The following GSDMC variants were observed in gnomAD, a reference collection of about 807,000 sequenced individuals.
GSDMC encodes gasdermin C, also known as gasdermin-C.
Under a neutral mutation model 58.0 loss-of-function variants are expected in GSDMC, and 59 were observed. The ratio of observed to expected loss-of-function variants is 1.02; its 90% CI spans 0.82 to 1.26. The LOEUF is 1.26. GSDMC is among the 50% of genes most tolerant of loss of function. The pLI, the probability that GSDMC is intolerant of heterozygous loss-of-function variation, is 0.00. For synonymous variants in GSDMC, 241 were observed against 220.2 expected (o/e 1.09, Z -0.83); for missense variants, 659 against 598.5 (o/e 1.10, Z -1.06).
chr8:129,715,449 G>A, the GSDMC span, among the ~76,000 whole-genome samples: 1 of 152,006 alleles, frequency 6.6e-6, no homozygotes, highest in Non-Finnish European at 1.5e-5. Context: ...AATATTTGGA[G>A]AAATATTTCT....
downstream of GSDMC, among the ~76,000 whole-genome samples, chr8:129,744,173 G>A (rs1249114809): frequency 6.6e-6 from 1 of 152,120 alleles, no homozygotes. Context: ...CTGAACTGTG[G>A]TTCAGAATGT....
intron 2 of GSDMC, 114 bp from the exon 3 acceptor site, chr8:129,776,399 A>G: frequency 1.5e-6 from 1 of 682,620 alleles, no homozygotes; most frequent in South Asian, 2.2e-5. Flanking sequence ...ATTTTGCCCC[A>G]ATCCTCCCAC....
the GSDMC span, chr8:129,730,030 G>T: frequency 1.5e-6 from 2 of 1,291,650 alleles, no homozygotes; most frequent in South Asian, 1.3e-5. Context: ...AAAAGGATGA[G>T]AAGGAAAAGG....
chr8:129,730,409 T>C, the GSDMC span: 6 of 1,175,816 alleles, frequency 5.1e-6, no homozygotes, highest in East Asian at 1.4e-4. Flanking sequence ...ATGCTGATTA[T>C]GAATCTTTAG....
chr8:129,763,592 A>G (rs1286225649), intron 4 of GSDMC, among the ~76,000 whole-genome samples: 2 of 151,972 alleles, frequency 1.3e-5, no homozygotes, highest in Non-Finnish European at 2.9e-5. Context: ...TGTTGTTTTA[A>G]TTGAGACAGT....
At chr8:129,756,442 A>G (rs2130390342) in intron 6 of GSDMC, among the ~76,000 whole-genome samples, 1 of 152,274 alleles carries the variant, frequency 6.6e-6, no homozygotes, top group Admixed American at 6.5e-5. Flanking sequence ...AGAGCTAAAG[A>G]GACAGTAATA....
chr8:129,785,106 G>T (rs954888229), intron 1 of GSDMC, among the ~76,000 whole-genome samples: 5 of 152,138 alleles, frequency 3.3e-5, no homozygotes, highest in African/African-American at 4.8e-5. Context: ...AGCTACTTGG[G>T]AGGCTGAGGC....
the GSDMC span, among the ~76,000 whole-genome samples, chr8:129,725,351 CAT>C: frequency 6.6e-6 from 1 of 152,242 alleles, no homozygotes; most frequent in South Asian, 2.1e-4. Flanking sequence ...AAGACACACT[CAT>C]GCGTTCTTTT....
chr8:129,765,860 G>C (rs1563802644), intron 3 of GSDMC, 67 bp from the exon 4 acceptor site: 2 of 1,390,616 alleles, frequency 1.4e-6, no homozygotes, highest in Non-Finnish European at 2.0e-6. Context: ...GTTACTCTGG[G>C]TGCCCTTCTC....
At chr8:129,733,455 A>T in the GSDMC span, among the ~76,000 whole-genome samples, 9 of 152,304 alleles carry the variant, frequency 5.9e-5, no homozygotes, top group Non-Finnish European at 1.2e-4. Context: ...CTCTGGGATG[A>T]AACTTCCAGA....
At chr8:129,713,549 A>G in the GSDMC span, among the ~76,000 whole-genome samples, 1 of 152,222 alleles carries the variant, frequency 6.6e-6, no homozygotes, top group African/African-American at 2.4e-5. Context: ...AGCCTTGGAA[A>G]TGTGGAGAGC....
At chr8:129,770,530 T>C (rs908292966) in intron 3 of GSDMC, among the ~76,000 whole-genome samples, 6 of 152,026 alleles carry the variant, frequency 3.9e-5, no homozygotes, top group Non-Finnish European at 7.4e-5. Flanking sequence ...CTCAAAAAAA[T>C]TAATCCCCCC....
intron 5 of GSDMC, among the ~76,000 whole-genome samples, chr8:129,762,181 T>C (rs1243396579): frequency 6.6e-6 from 1 of 152,172 alleles, no homozygotes; most frequent in East Asian, 1.9e-4. Flanking sequence ...TGACTTATGT[T>C]CTTAGGACAT....
intron 6 of GSDMC, among the ~76,000 whole-genome samples, chr8:129,754,231 G>A (rs532980942): frequency 1.8e-4 from 28 of 152,332 alleles, no homozygotes; most frequent in Admixed American, 7.8e-4. Context: ...CTAACCCAGT[G>A]CAGAGCCAGT....
At chr8:129,723,214 C>T in the GSDMC span, among the ~76,000 whole-genome samples, 56,018 of 151,922 alleles carry the variant, frequency 0.37, 13,923 homozygotes, top group East Asian at 0.71. Context: ...GGTGGCCATC[C>T]GGGCTCAGCA....
chr8:129,709,563 G>A, the GSDMC span, among the ~76,000 whole-genome samples: 280 of 150,260 alleles, frequency 1.9e-3, no homozygotes, highest in East Asian at 5.3e-3. Flanking sequence ...TAGATAGATG[G>A]TAGATGATAG....
Position 129,750,576 on chromosome 8 carries a change from C to G in GSDMC, c.944-6G>C. On this transcript the variant is annotated splice_region_variant and splice_polypyrimidine_tract_variant and intron_variant, in intron 10 of 13. Coordinates refer to ENST00000276708, the MANE Select transcript of GSDMC (RefSeq NM_031415.3). ...CTCTTGTAGATGCTTGAAATCTGCT[C>G]TCAGGCATCAACGCCGACCAGAAAG... is the stretch of plus-strand genomic sequence containing the variant. 6.2e-7 allele frequency: 1 copy of G among 1,613,242 alleles called. No individual in the cohort carries two copies. Among genetic ancestry groups the G allele is most frequent in the Non-Finnish European group, 8.5e-7 (1 of 1,179,504 alleles).
downstream of GSDMC, among the ~76,000 whole-genome samples, chr8:129,743,705 C>T (rs372015678): frequency 3.0e-3 from 453 of 152,308 alleles, 1 homozygote; most frequent in Non-Finnish European, 5.5e-3. Context: ...TTTGCTTTAG[C>T]TGGCAACTAG....
chr8:129,752,934 G>C lies in GSDMC; in HGVS notation c.722-114C>G, dbSNP rs1191197538. On this transcript the variant is annotated intron_variant, in intron 6 of 13. Transcript: ENST00000276708. Reference sequence around the variant, plus strand: ...GCTCAATCAGTGCCAGTGCACGAAGGGAGCATTTGAACAAGACCCACTCAA... The same window carrying C: ...GCTCAATCAGTGCCAGTGCACGAAGCGAGCATTTGAACAAGACCCACTCAA... 2.0e-6 allele frequency: 3 copies of C among 1,516,296 alleles called. No individual in the cohort carries two copies. The African/African-American group carries it at 4.1e-5, about 21-fold the overall frequency. The allele number at this position is 1,516,296 out of a possible 1,614,324, so 93.9% of individuals were successfully genotyped here. A position where few individuals can be genotyped will look rare whatever the true frequency, so the allele number is the denominator to read the frequency against.
Sources: allele counts gnomAD v4.1 joint callset (sites outside exome capture counted in the v4.1 genomes callset), GRCh38; gene constraint gnomAD v4.1.1; transcripts MANE v1.5; gene names NCBI Gene and HGNC (gene_info 2026-07-23, HGNC 2026-07-21).